Variants in MIR2052HG observed in about 807,000 individuals in gnomAD.
MIR2052HG encodes the protein MIR2052 host gene.
intron 4 of MIR2052HG, among the ~76,000 whole-genome samples, chr8:74,715,757 AAG>A (rs1809513873): frequency 1.3e-5 from 2 of 152,314 alleles, no homozygotes; most frequent in South Asian, 4.1e-4. Flanking sequence ...ATTTGCAAAA[AAG>A]TAATGTGTTG....
intron 2 of MIR2052HG, among the ~76,000 whole-genome samples, chr8:74,682,660 G>A (rs1427508431): frequency 6.6e-6 from 1 of 152,150 alleles, no homozygotes; most frequent in Non-Finnish European, 1.5e-5. Context: ...AGAATGCCAA[G>A]TGTTTTGAGT....
At chr8:74,658,213 C>G (rs549781763) in intron 2 of MIR2052HG, among the ~76,000 whole-genome samples, 5 of 152,218 alleles carry the variant, frequency 3.3e-5, no homozygotes, top group African/African-American at 1.2e-4. Flanking sequence ...CTCCATCTGC[C>G]AGCATTCCCT....
At chr8:74,654,731 G>A (rs370098197) in intron 2 of MIR2052HG, among the ~76,000 whole-genome samples, 2 of 152,114 alleles carry the variant, frequency 1.3e-5, no homozygotes, top group South Asian at 4.1e-4. Flanking sequence ...GTGTGAAAAT[G>A]GGCTAATATA....
intron 1 of MIR2052HG, chr8:74,603,163 T>C: frequency 1.3e-6 from 1 of 743,650 alleles, no homozygotes; most frequent in Non-Finnish European, 2.4e-6. Context: ...GATGATAAAG[T>C]GTGTAGAAAC....
chr8:74,609,283 T>A (rs1808156747), intron 1 of MIR2052HG, among the ~76,000 whole-genome samples: 1 of 151,982 alleles, frequency 6.6e-6, no homozygotes, highest in South Asian at 2.1e-4. Flanking sequence ...CCATATTTAG[T>A]AAAATAGTTG....
intron 2 of MIR2052HG, among the ~76,000 whole-genome samples, chr8:74,637,184 G>T (rs920048602): frequency 2.6e-5 from 4 of 152,116 alleles, no homozygotes; most frequent in African/African-American, 7.2e-5. Context: ...AAGATGTGAA[G>T]GATCTGAGCA....
intron 2 of MIR2052HG, among the ~76,000 whole-genome samples, chr8:74,670,444 A>G (rs1480010696): frequency 6.6e-6 from 1 of 152,224 alleles, no homozygotes; most frequent in Middle Eastern, 3.2e-3. Context: ...AGGTTGAAGT[A>G]TGAAATATCT....
chr8:74,752,665 G>C (rs1229378360), intron 5 of MIR2052HG: 1 of 333,786 alleles, frequency 3.0e-6, no homozygotes, highest in Non-Finnish European at 5.8e-6. Flanking sequence ...TGTGAGTCTT[G>C]ATTGCAGATG....
At chr8:74,677,195 T>C (rs1048670969) in intron 2 of MIR2052HG, among the ~76,000 whole-genome samples, 1 of 151,986 alleles carries the variant, frequency 6.6e-6, no homozygotes, top group East Asian at 1.9e-4. Context: ...GTTCAATATA[T>C]ATGCACAAAA....
At chr8:74,716,947 T>C (rs1563538622) in intron 4 of MIR2052HG, among the ~76,000 whole-genome samples, 1 of 152,192 alleles carries the variant, frequency 6.6e-6, no homozygotes, top group Non-Finnish European at 1.5e-5. Flanking sequence ...TATATACAGG[T>C]GAAAGAAAAT....
At chr8:74,727,461 C>G (rs1212559883) in intron 4 of MIR2052HG, among the ~76,000 whole-genome samples, 1 of 152,066 alleles carries the variant, frequency 6.6e-6, no homozygotes, top group Non-Finnish European at 1.5e-5. Flanking sequence ...TTAAAAAGTA[C>G]TGAATAAGGT....
At chr8:74,622,343 C>T (rs1214209165) in intron 2 of MIR2052HG, among the ~76,000 whole-genome samples, 1 of 152,128 alleles carries the variant, frequency 6.6e-6, no homozygotes, top group Non-Finnish European at 1.5e-5. Context: ...GTGGCTCATG[C>T]CTGTAATCCC....
At chr8:74,751,808 G>A (rs1809949633) in intron 4 of MIR2052HG, among the ~76,000 whole-genome samples, 1 of 152,196 alleles carries the variant, frequency 6.6e-6, no homozygotes, top group South Asian at 2.1e-4. Context: ...ATTGAGAAAT[G>A]TGTAATCACT....
intron 1 of MIR2052HG, among the ~76,000 whole-genome samples, chr8:74,605,692 T>G (rs2128730685): frequency 6.6e-6 from 1 of 151,118 alleles, no homozygotes; most frequent in Middle Eastern, 3.4e-3. Context: ...ACTGAAAGAG[T>G]TCCAACAAAG....
intron 5 of MIR2052HG, among the ~76,000 whole-genome samples, chr8:74,753,097 G>A (rs958724609): frequency 5.9e-5 from 9 of 152,140 alleles, no homozygotes; most frequent in African/African-American, 1.7e-4. Context: ...TCAGAAATAC[G>A]AGTTTACTAG....
intron 2 of MIR2052HG, among the ~76,000 whole-genome samples, chr8:74,697,879 A>G (rs1809314681): frequency 1.3e-5 from 2 of 152,204 alleles, no homozygotes; most frequent in Non-Finnish European, 2.9e-5. Context: ...ATTAAAATGC[A>G]TCCCATGCTC....
At chr8:74,727,558 G>A (rs1415992262) in intron 4 of MIR2052HG, among the ~76,000 whole-genome samples, 4 of 152,152 alleles carry the variant, frequency 2.6e-5, no homozygotes, top group African/African-American at 4.8e-5. Context: ...TTCCCACAAC[G>A]TGAACATTTT....
At chr8:74,682,722 TTTC>T (rs752057489) in intron 2 of MIR2052HG, among the ~76,000 whole-genome samples, 2 of 152,168 alleles carry the variant, frequency 1.3e-5, no homozygotes, top group Non-Finnish European at 2.9e-5. Flanking sequence ...GGAACATGCT[TTTC>T]TGCATGAGCT....
intron 2 of MIR2052HG, among the ~76,000 whole-genome samples, chr8:74,648,831 A>G (rs1808722655): frequency 6.6e-6 from 1 of 152,216 alleles, no homozygotes; most frequent in African/African-American, 2.4e-5. Flanking sequence ...GATCATATCT[A>G]AGTGTTTAAA....
Sources: allele counts gnomAD v4.1 joint callset (sites outside exome capture counted in the v4.1 genomes callset), GRCh38; gene constraint gnomAD v4.1.1; transcripts MANE v1.5; gene names NCBI Gene and HGNC (gene_info 2026-07-23, HGNC 2026-07-21).